Variants in LEKR1 observed in about 807,000 individuals in gnomAD.
LEKR1 encodes the protein protein LEKR1.
In LEKR1, 59 loss-of-function variants were observed where a neutral mutation model predicts 72.4. The ratio of observed to expected loss-of-function variants is 0.82; its 90% CI spans 0.66 to 1.01. LEKR1 has a LOEUF of 1.01. LEKR1 is among the 50% of genes least tolerant of loss of function. The pLI, the probability that LEKR1 is intolerant of heterozygous loss-of-function variation, is 0.00. For missense variants in LEKR1, 728 were observed against 759.2 expected, an observed-to-expected ratio of 0.96 and a Z score of 0.48; for synonymous variants, 257 against 263.2, an observed-to-expected ratio of 0.98 and a Z score of 0.23.
Position 156,829,303 on chromosome 3 carries a change from AG to A in LEKR1, c.-26del. ...GTTCTTAGATTTCCTTTGGCTTCAA[AG>A]CTCTCTCACCATATTTTGGGAAGTT... On this transcript the variant is annotated 5_prime_UTR_variant, in exon 2 of 13. Transcript: ENST00000356539. 1 of 1,491,144 alleles carries A rather than the reference AG, an allele frequency of 6.7e-7. No individual in the cohort carries two copies. Among genetic ancestry groups the A allele is most frequent in the Non-Finnish European group, 9.0e-7 (1 of 1,108,088 alleles). 92.4% of individuals were successfully genotyped at this position (1,491,144 alleles called of 1,614,324 possible). A position where few individuals can be genotyped will look rare whatever the true frequency, so the allele number is the denominator to read the frequency against.
chr3:156,984,601 C>T (rs1438551495), intron 7 of LEKR1, among the ~76,000 whole-genome samples: 4 of 152,022 alleles, frequency 2.6e-5, no homozygotes, highest in African/African-American at 4.8e-5. Context: ...TGCTTGAACC[C>T]GGGAGGCAGA....
intron 3 of LEKR1, among the ~76,000 whole-genome samples, chr3:156,899,367 T>C (rs1233979222): frequency 2.4e-5 from 3 of 126,388 alleles, no homozygotes; most frequent in Admixed American, 8.7e-5. Context: ...TATATACATA[T>C]ATACATATAT....
At chr3:156,880,814 G>A (rs1407928618) in intron 3 of LEKR1, among the ~76,000 whole-genome samples, 3 of 152,280 alleles carry the variant, frequency 2.0e-5, no homozygotes, top group Non-Finnish European at 2.9e-5. Context: ...AATCAAGTGG[G>A]CTTCATCCCT....
At chr3:156,859,021 C>T (rs1265231020) in intron 3 of LEKR1, among the ~76,000 whole-genome samples, 3 of 151,948 alleles carry the variant, frequency 2.0e-5, no homozygotes, top group Admixed American at 6.6e-5. Flanking sequence ...GAGAATATAA[C>T]CTATTTGGGA....
intron 11 of LEKR1, among the ~76,000 whole-genome samples, chr3:157,025,277 A>G (rs533799349): frequency 2.6e-5 from 4 of 152,340 alleles, no homozygotes; most frequent in African/African-American, 9.6e-5. Context: ...AAATTTTCCC[A>G]ACCACTAAAG....
At chr3:156,995,427 G>A (rs1277914882) in intron 9 of LEKR1, among the ~76,000 whole-genome samples, 1 of 151,474 alleles carries the variant, frequency 6.6e-6, no homozygotes, top group Non-Finnish European at 1.5e-5. Context: ...TTTTTTTCTT[G>A]TATTATTGCC....
intron 3 of LEKR1, among the ~76,000 whole-genome samples, chr3:156,882,476 G>T (rs941162710): frequency 6.6e-6 from 1 of 152,102 alleles, no homozygotes; most frequent in African/African-American, 2.4e-5. Flanking sequence ...CAGTTAGAAT[G>T]GCAATCATTA....
At position 156,836,237 on chromosome 3, in the gene LEKR1, G is replaced by A. The variant is rs138606862; in HGVS notation, c.48+6860G>A. Among the ~76,000 whole-genome samples the A allele has an allele frequency of 6.4e-4, 98 of 152,184 alleles. 2 individuals carry two copies. In the East Asian group the frequency reaches 0.015, roughly 24 times the overall value. Reference sequence around the variant, plus strand: ...GTCGGATAATGTAATGCAAAACAGAGCAGAGTCATAAATTTTGAGAAGGAT... The same window carrying A: ...GTCGGATAATGTAATGCAAAACAGAACAGAGTCATAAATTTTGAGAAGGAT... On this transcript the variant is annotated intron_variant, in intron 2 of 12. Coordinates refer to ENST00000356539, the MANE Select transcript of LEKR1 (RefSeq NM_001004316.3).
chr3:156,847,065 CCCAAAGCG>C (rs1254423944), intron 2 of LEKR1, among the ~76,000 whole-genome samples: 15 of 152,270 alleles, frequency 9.9e-5, no homozygotes, highest in African/African-American at 3.6e-4. Context: ...ACCTCGGCCT[CCCAAAGCG>C]CTGGGATCAC....
intron 12 of LEKR1, among the ~76,000 whole-genome samples, chr3:157,034,003 C>A (rs2108041788): frequency 6.6e-6 from 1 of 151,328 alleles, no homozygotes; most frequent in East Asian, 1.9e-4. Flanking sequence ...CATCTTTTTG[C>A]AGCATGGCTT....
intron 3 of LEKR1, among the ~76,000 whole-genome samples, chr3:156,877,695 G>T (rs1718775656): frequency 6.6e-6 from 1 of 151,834 alleles, no homozygotes. Context: ...GGGCTTATTT[G>T]GTTCTTCTCT....
intron 3 of LEKR1, among the ~76,000 whole-genome samples, chr3:156,913,066 A>T (rs1165746237): frequency 1.3e-5 from 2 of 151,144 alleles, no homozygotes; most frequent in Admixed American, 1.3e-4. Flanking sequence ...GTGAATCTCT[A>T]CTCACTATTT....
At chr3:156,955,556 G>C (rs1441596975) in intron 6 of LEKR1, among the ~76,000 whole-genome samples, 2 of 151,912 alleles carry the variant, frequency 1.3e-5, no homozygotes, top group Non-Finnish European at 2.9e-5. Context: ...TAACATAAAG[G>C]GATGTTGAAT....
intron 5 of LEKR1, among the ~76,000 whole-genome samples, chr3:156,936,465 A>ACC (rs965225974): frequency 2.2e-4 from 30 of 133,412 alleles, no homozygotes; most frequent in East Asian, 8.2e-4. Context: ...ACACACACAC[A>ACC]CCCCCCGTAT....
intron 3 of LEKR1, among the ~76,000 whole-genome samples, chr3:156,900,812 GT>G (rs889340576): frequency 2.6e-5 from 4 of 152,038 alleles, no homozygotes; most frequent in African/African-American, 9.7e-5. Flanking sequence ...ATACTATACA[GT>G]TTTTTTGTGT....
intron 3 of LEKR1, among the ~76,000 whole-genome samples, chr3:156,906,872 G>GA (rs1722580916): frequency 6.6e-6 from 1 of 152,078 alleles, no homozygotes; most frequent in Non-Finnish European, 1.5e-5. Flanking sequence ...AGTATAAAAA[G>GA]AAAAACGTTT....
chr3:156,912,355 G>A (rs1296532229), intron 3 of LEKR1, among the ~76,000 whole-genome samples: 1 of 152,184 alleles, frequency 6.6e-6, no homozygotes, highest in Non-Finnish European at 1.5e-5. Flanking sequence ...CCAGGAAGGA[G>A]TGTAGCTGCC....
At chr3:156,868,550 A>G (rs1035796473) in intron 3 of LEKR1, among the ~76,000 whole-genome samples, 1 of 152,002 alleles carries the variant, frequency 6.6e-6, no homozygotes, top group Admixed American at 6.6e-5. Context: ...TCCTTACACA[A>G]ATTGGGGGTA....
At chr3:156,891,715 G>A (rs1337153890) in intron 3 of LEKR1, among the ~76,000 whole-genome samples, 1 of 152,128 alleles carries the variant, frequency 6.6e-6, no homozygotes, top group Non-Finnish European at 1.5e-5. Flanking sequence ...AACAGCTGAA[G>A]CCTTAAGTAC....
Sources: gnomAD v4.1 joint callset for allele counts (sites outside exome capture counted in the v4.1 genomes callset) on GRCh38, gnomAD v4.1.1 for gene constraint, MANE v1.5 for transcripts, NCBI Gene and HGNC (gene_info 2026-07-23, HGNC 2026-07-21) for gene names.